Variants in MEF2C observed in about 807,000 individuals in gnomAD.
The protein encoded by MEF2C is myocyte enhancer factor 2C, also known as myocyte-specific enhancer factor 2C.
A neutral mutation model predicts 50.5 loss-of-function variants in MEF2C; 6 were observed. That is an observed-to-expected ratio of 0.12 (90% CI 0.07 to 0.23). The LOEUF (loss-of-function observed/expected upper bound fraction) is 0.23. Among genes scored for constraint, MEF2C ranks in the 10% least tolerant of loss-of-function variants. MEF2C has a pLI of 1.00. For missense variants in MEF2C, 276 were observed against 605.0 expected (o/e 0.46, Z 5.70); for synonymous variants, 183 against 228.0 (o/e 0.80, Z 1.78).
intron 1 of MEF2C, among the ~76,000 whole-genome samples, chr5:88,837,081 T>C (rs1449983882): frequency 2.6e-5 from 4 of 152,150 alleles, no homozygotes; most frequent in South Asian, 2.1e-4. Context: ...ATAGGACTTT[T>C]CATATTCTTC....
At chr5:88,764,373 C>T (rs569393746) in intron 3 of MEF2C, among the ~76,000 whole-genome samples, 6 of 152,284 alleles carry the variant, frequency 3.9e-5, no homozygotes, top group African/African-American at 7.2e-5. Context: ...GGTCAGTCAA[C>T]GAGTATTTGC....
At chr5:88,734,012 A>C (rs1762776284) in intron 6 of MEF2C, 7 of 984,976 alleles carry the variant, frequency 7.1e-6, no homozygotes, top group Non-Finnish European at 8.4e-6. Context: ...CAATGCATTT[A>C]CTTCCTCTCA....
intron 1 of MEF2C, among the ~76,000 whole-genome samples, chr5:88,903,577 T>G (rs557421005): frequency 8.8e-5 from 13 of 148,568 alleles, no homozygotes; most frequent in Non-Finnish European, 1.4e-4. Context: ...CAGAAAAGAT[T>G]ATGACAGAAT....
chr5:88,807,475 C>CGGGAG (rs1167026791), intron 2 of MEF2C, among the ~76,000 whole-genome samples: 3 of 152,176 alleles, frequency 2.0e-5, no homozygotes, highest in Non-Finnish European at 4.4e-5. Context: ...CTCAAGCGAT[C>CGGGAG]CTCCCGCTTA....
chr5:88,793,421 T>C (rs1794672876), intron 3 of MEF2C, among the ~76,000 whole-genome samples: 3 of 152,108 alleles, frequency 2.0e-5, no homozygotes, highest in Admixed American at 2.0e-4. Flanking sequence ...CATGGCCTTG[T>C]GAGCCAACTT....
chr5:88,885,757 A>C (rs1362226296), upstream of MEF2C, among the ~76,000 whole-genome samples: 1 of 152,242 alleles, frequency 6.6e-6, no homozygotes, highest in Non-Finnish European at 1.5e-5. Context: ...GTTTATTGCC[A>C]TAATACCTAA....
At position 88,823,936 on chromosome 5, in the gene MEF2C, CA is replaced by C. The variant is rs1399415976; in HGVS notation, c.-142-7del. The C allele has an allele frequency of 9.0e-6, 13 of 1,436,590 alleles. No homozygotes were observed. The Admixed American group carries it at 3.3e-4, about 36-fold the overall frequency. 89.0% of individuals were successfully genotyped at this position (1,436,590 alleles called of 1,614,324 possible). The stretch of plus-strand genomic sequence containing the variant: ...AATTCCTGCATTCGTTCCTGCTGAA[CA>C]AAAAAGAAAAATTAAATACCACTCT... On this transcript the variant is annotated splice_polypyrimidine_tract_variant and splice_region_variant and intron_variant, in intron 1 of 10. Coordinates refer to ENST00000504921, the MANE Select transcript of MEF2C (RefSeq NM_002397.5).
In MEF2C at chr5:88,823,872, CA is replaced by C; in HGVS notation, c.-85del. 1 of 1,589,790 alleles carries C rather than the reference CA, an allele frequency of 6.3e-7. No homozygotes were observed. The highest frequency in any genetic ancestry group is 1.2e-5 in the South Asian group (1 of 86,444). On this transcript the variant is annotated 5_prime_UTR_variant, in exon 2 of 11. Transcript: ENST00000504921. Reference sequence around the variant, plus strand: ...CTTTCTCTTTCCTGTTTCCTCCAAACAAATCTCCTTCTTCAGCACTTGCACA... The same window carrying C: ...CTTTCTCTTTCCTGTTTCCTCCAAACAATCTCCTTCTTCAGCACTTGCACA...
At chr5:88,828,083 T>C (rs1367469625) in intron 1 of MEF2C, among the ~76,000 whole-genome samples, 3 of 151,954 alleles carry the variant, frequency 2.0e-5, no homozygotes, top group African/African-American at 7.2e-5. Flanking sequence ...AACATGGAAA[T>C]GGCATTCTAC....
At chr5:88,752,819 C>G in intron 4 of MEF2C, 6 of 947,662 alleles carry the variant, frequency 6.3e-6, no homozygotes, top group Non-Finnish European at 6.3e-6. Context: ...TCAATTTAAG[C>G]AAAATCATGT....
chr5:88,861,432 G>A (rs1175360274), intron 1 of MEF2C, among the ~76,000 whole-genome samples: 1 of 152,178 alleles, frequency 6.6e-6, no homozygotes, highest in Non-Finnish European at 1.5e-5. Flanking sequence ...CTGCAACACA[G>A]GTATGTTGTT....
intron 1 of MEF2C, among the ~76,000 whole-genome samples, chr5:88,891,391 AC>A (rs200553755): frequency 0.013 from 1,609 of 126,206 alleles, 15 homozygotes; most frequent in Non-Finnish European, 0.018. Flanking sequence ...TAACCAACCA[AC>A]CTTTTTTTTT....
chr5:88,810,138 C>T (rs1324557797), intron 2 of MEF2C, among the ~76,000 whole-genome samples: 2 of 151,934 alleles, frequency 1.3e-5, no homozygotes, highest in African/African-American at 2.4e-5. Context: ...CTGAATGTTT[C>T]GGTATAATTT....
At position 88,877,376 on chromosome 5, in the gene MEF2C, C is replaced by A. The variant is rs180942409; in HGVS notation, c.-143+5579G>T. ...TGACAAATAAATGTTACTCATATCA[C>A]CTAAAACTAAACCATAAATTTGTAT... is the stretch of plus-strand genomic sequence containing the variant. On this transcript the variant is annotated intron_variant, in intron 1 of 10. Coordinates refer to ENST00000504921, the MANE Select transcript of MEF2C (RefSeq NM_002397.5). Among the ~76,000 whole-genome samples the A allele has an allele frequency of 5.8e-4, 88 of 151,974 alleles. 1 individual carries two copies. Among genetic ancestry groups the A allele is most frequent in the Middle Eastern group, 6.8e-3 (2 of 294 alleles).
intron 1 of MEF2C, among the ~76,000 whole-genome samples, chr5:88,882,176 T>C (rs1178497581): frequency 1.3e-5 from 2 of 152,242 alleles, no homozygotes; most frequent in Non-Finnish European, 2.9e-5. Context: ...CATCTATATA[T>C]ACTTCCTTTG....
At chr5:88,735,743 T>C in intron 6 of MEF2C, 3 of 985,384 alleles carry the variant, frequency 3.0e-6, no homozygotes, top group Non-Finnish European at 3.6e-6. Context: ...GCTGCATTTT[T>C]TTTATTGACT....
At chr5:88,745,819 C>T (rs1769222995) in intron 6 of MEF2C, among the ~76,000 whole-genome samples, 2 of 152,174 alleles carry the variant, frequency 1.3e-5, no homozygotes, top group Admixed American at 6.5e-5. Context: ...TGTCTCAAAA[C>T]ACACACATAC....
chr5:88,748,330 G>T, intron 6 of MEF2C: 1 of 363,276 alleles, frequency 2.8e-6, no homozygotes, highest in Non-Finnish European at 3.8e-6. Context: ...TGTATAGCAT[G>T]TTCCAGCTGC....
chr5:88,897,305 C>T (rs373844010), intron 1 of MEF2C, among the ~76,000 whole-genome samples: 4 of 152,320 alleles, frequency 2.6e-5, no homozygotes, highest in East Asian at 1.9e-4. Context: ...CTCATCCTTA[C>T]GTAGCCGTGA....
Sources: gnomAD v4.1 joint callset for allele counts (sites outside exome capture counted in the v4.1 genomes callset) on GRCh38, gnomAD v4.1.1 for gene constraint, MANE v1.5 for transcripts, NCBI Gene and HGNC (gene_info 2026-07-23, HGNC 2026-07-21) for gene names.